Variants in PRSS12 observed in about 807,000 individuals in gnomAD.
PRSS12 encodes serine protease 12.
In PRSS12, 85 loss-of-function variants were observed where a neutral mutation model predicts 104.4. The observed-to-expected ratio is 0.81, with a 90% CI of 0.68 to 0.98. The LOEUF (loss-of-function observed/expected upper bound fraction) is 0.98, where lower values mean the gene tolerates loss of function less well. Among genes scored for constraint, PRSS12 ranks in the 50% least tolerant of loss-of-function variants. The probability of loss-of-function intolerance (pLI) is 0.00; values close to 1 mark genes in which losing one functional copy is unlikely to be tolerated. For synonymous variants in PRSS12, 454 were observed against 425.2 expected (o/e 1.07, Z -0.83); for missense variants, 1,141 against 1,139.2 (o/e 1.00, Z -0.02).
rs936060513 is a variant in PRSS12, at chr4:118,282,006, T to C, written c.2558A>G (p.Lys853Arg). 6.2e-7 allele frequency: 1 copy of C among 1,600,342 alleles called. No individual in the cohort carries two copies. The highest frequency in any genetic ancestry group is 1.7e-5 in the Admixed American group (1 of 59,992). Residue 853 changes from lysine to arginine, a missense_variant, in exon 13 of 13, where the codon AAG becomes AGG. By Grantham distance (26) the Lys-to-Arg change is conservative (BLOSUM62 2). Transcript: ENST00000296498. ...TTTGGTATAAACACCAGGAGAATCC[T>C]TGACTCCACAGCCATACCCCCAGGA... ...VTSWGYGCGV[K>R]DSPGVYTKVS...
intron 1 of PRSS12, among the ~76,000 whole-genome samples, chr4:118,339,819 C>T (rs187270426): frequency 6.6e-6 from 1 of 152,228 alleles, no homozygotes; most frequent in East Asian, 1.9e-4. Context: ...CAGAGGTCCA[C>T]GTAATATTAT....
intron 11 of PRSS12, among the ~76,000 whole-genome samples, chr4:118,293,637 A>T (rs1743179311): frequency 2.0e-5 from 3 of 152,214 alleles, no homozygotes; most frequent in Admixed American, 2.0e-4. Context: ...ATGAACAAAG[A>T]ATTCATGAAA....
rs1724536732 is a variant in PRSS12 at position 118,352,438 on chromosome 4, C to G, written c.283G>C (p.Ala95Pro). Residue 95 changes from alanine to proline, a missense_variant, in exon 1 of 13, where the codon GCC (alanine) becomes CCC (proline). Coordinates refer to ENST00000296498, the MANE Select transcript of PRSS12 (RefSeq NM_003619.4). ...TPRPHPWGCP[A>P]GEPWVSVTDF... is the part of the protein sequence containing the mutation. Reference sequence around the variant, plus strand: ...GTCACGCTGACCCATGGCTCGCCGGCGGGGCAGCCCCAGGGGTGCGGCCGG... The same window carrying G: ...GTCACGCTGACCCATGGCTCGCCGGGGGGGCAGCCCCAGGGGTGCGGCCGG... 6.7e-7 allele frequency: 1 copy of G among 1,491,752 alleles called. No individual in the cohort carries two copies. The highest frequency in any genetic ancestry group is 2.6e-5 in the East Asian group (1 of 37,876). The allele number at this position is 1,491,752 out of a possible 1,614,324, so 92.4% of individuals were successfully genotyped here.
At chr4:118,298,566 C>T (rs1258775545) in intron 9 of PRSS12, among the ~76,000 whole-genome samples, 167 bp downstream of exon 9, 2 of 152,164 alleles carry the variant, frequency 1.3e-5, no homozygotes, top group East Asian at 3.8e-4. Context: ...CCTGTCAGCC[C>T]CACCTAGGCA....
chr4:118,336,877 G>T (rs1724076460), intron 2 of PRSS12, among the ~76,000 whole-genome samples: 1 of 152,108 alleles, frequency 6.6e-6, no homozygotes, highest in African/African-American at 2.4e-5. Flanking sequence ...CATTCTTTGT[G>T]ACCTGCCCAC....
At chr4:118,302,509 C>T (rs1743425799) in intron 8 of PRSS12, among the ~76,000 whole-genome samples, 1 of 152,206 alleles carries the variant, frequency 6.6e-6, no homozygotes, top group South Asian at 2.1e-4. Flanking sequence ...TTACCGCAAC[C>T]TCTCCCTTCT....
At chr4:118,312,071 G>A (rs970237409) in intron 7 of PRSS12, among the ~76,000 whole-genome samples, 1 of 152,092 alleles carries the variant, frequency 6.6e-6, no homozygotes, top group Non-Finnish European at 1.5e-5. Context: ...TGGAAATATG[G>A]CCTGCAAGAG....
Position 118,313,236 on chromosome 4 carries a change from C to G in PRSS12, c.1454G>C (p.Cys485Ser). 1 of 1,613,998 alleles carries G rather than the reference C, an allele frequency of 6.2e-7. No homozygotes were observed. The highest frequency in any genetic ancestry group is 1.7e-4 in the Middle Eastern group (1 of 6,014). The change falls in exon 7 of 13, where the codon TGC becomes TCC. Residue 485 changes from cysteine (C) to serine (S), a missense_variant. Coordinates refer to ENST00000296498, the MANE Select transcript of PRSS12 (RefSeq NM_003619.4). ...CSHREDVSIA[C>S]YPGGEGHRLS... ...CCTGTGTCCCTCGCCGCCAGGGTAG[C>G]AGGCAATGCTAACATCTTCGCGGTG...
At chr4:118,305,623 T>C (rs1743528974) in intron 8 of PRSS12, among the ~76,000 whole-genome samples, 1 of 152,158 alleles carries the variant, frequency 6.6e-6, no homozygotes, top group Non-Finnish European at 1.5e-5. Context: ...GTTTGTTTTG[T>C]TATGTTCTGT....
rs764030119 is a variant in PRSS12 at position 118,352,225 on chromosome 4, T to C, written c.496A>G (p.Arg166Gly). 21 of 1,612,010 alleles carry C rather than the reference T, an allele frequency of 1.3e-5. No homozygotes were observed. The highest frequency in any genetic ancestry group is 1.7e-5 in the Non-Finnish European group (20 of 1,179,746). The change falls in exon 1 of 13, where the codon AGA becomes GGA. Residue 166 changes from arginine (R) to glycine (G), a missense_variant. Coordinates refer to ENST00000296498, the MANE Select transcript of PRSS12 (RefSeq NM_003619.4). ...CCGCCCCGAGGCCACTAACCGTGTCTGCAGTCGCAGTAGCCCCAGTCCACC... is the reference window on the plus strand; with the variant it reads ...CCGCCCCGAGGCCACTAACCGTGTCCGCAGTCGCAGTAGCCCCAGTCCACC... ...GKVDWGYCDC[R>G]HGSVRLRGGK... is the part of the protein sequence containing the mutation.
In PRSS12 at chr4:118,318,542, G is replaced by C. The variant is rs1157402653; in HGVS notation, c.986C>G (p.Ala329Gly). Reference sequence around the variant, plus strand: ...TTCCCCAAAATATGCCTGATGCCATGCTTTGGCAATGCCACTGAACAAATA... The same window carrying C: ...TTCCCCAAAATATGCCTGATGCCATCCTTTGGCAATGCCACTGAACAAATA... ...RQLGLSGIAK[A>G]WHQAYFGEGS... is the part of the protein sequence containing the mutation. Residue 329 changes from alanine to glycine, a missense_variant, in exon 5 of 13, where the codon GCA (alanine) becomes GGA (glycine). Coordinates refer to ENST00000296498, the MANE Select transcript of PRSS12 (RefSeq NM_003619.4). The C allele has an allele frequency of 6.2e-7, 1 of 1,613,862 alleles. No individual in the cohort carries two copies. Among genetic ancestry groups the C allele is most frequent in the African/African-American group, 1.3e-5 (1 of 74,896 alleles).
At chr4:118,301,684 C>G (rs1343149969) in intron 8 of PRSS12, among the ~76,000 whole-genome samples, 1 of 152,164 alleles carries the variant, frequency 6.6e-6, no homozygotes, top group Non-Finnish European at 1.5e-5. Flanking sequence ...TCAATTCTTA[C>G]AAAGTGTATT....
At chr4:118,294,652 T>A (rs1578905253) in intron 11 of PRSS12, among the ~76,000 whole-genome samples, 1 of 151,970 alleles carries the variant, frequency 6.6e-6, no homozygotes, top group South Asian at 2.1e-4. Context: ...AATTTCAGCC[T>A]CAGATACGTT....
At chr4:118,318,594 T>A in intron 4 of PRSS12, 38 bp from the exon 5 acceptor site, 2 of 1,592,698 alleles carry the variant, frequency 1.3e-6, no homozygotes, top group South Asian at 1.1e-5. Flanking sequence ...CTGGATTAGA[T>A]ACCAAAGATT....
At chr4:118,318,613 A>AT (rs368541195) in intron 4 of PRSS12, 57 bp from the exon 5 acceptor site, 9,156 of 1,263,694 alleles carry the variant, frequency 7.2e-3, no homozygotes, top group Non-Finnish European at 8.3e-3. Flanking sequence ...TTGGTCTTTT[A>AT]TTTTTTTTTT....
chr4:118,287,194 G>C (rs1743033827), intron 11 of PRSS12, among the ~76,000 whole-genome samples: 2 of 152,044 alleles, frequency 1.3e-5, no homozygotes, highest in South Asian at 4.1e-4. Context: ...GCCCAGGCTG[G>C]AGCGCAGTGG....
intron 11 of PRSS12, among the ~76,000 whole-genome samples, chr4:118,293,406 CA>C (rs1203445658): frequency 6.6e-6 from 1 of 151,826 alleles, no homozygotes; most frequent in Non-Finnish European, 1.5e-5. Context: ...ATAAGAAATA[CA>C]AAGCTTTTGT....
chr4:118,295,222 A>G (rs1156712494), intron 10 of PRSS12, among the ~76,000 whole-genome samples, 161 bp from the exon 11 acceptor site: 3 of 152,216 alleles, frequency 2.0e-5, no homozygotes, highest in Non-Finnish European at 4.4e-5. Context: ...TTTGAGAAGG[A>G]GACCCCACAA....
At position 118,282,878 on chromosome 4, in the gene PRSS12, G is replaced by T; in HGVS notation, c.2273C>A (p.Pro758Gln). The change falls in exon 12 of 13, where the codon CCA (proline) becomes CAA (glutamine). Residue 758 changes from proline to glutamine, a missense_variant. By Grantham distance (76) the Pro-to-Gln change is moderately conservative. Transcript: ENST00000296498. Reference protein sequence around the residue: ...PACLPLWRERPQKTASNCYIT... With the variant: ...PACLPLWRERQQKTASNCYIT... ...GTAACAGTTGGATGCTGTTTTCTGT[G>T]GCCTCTCTCTCCAGAGTGGTAAACA... 1 of 1,614,052 alleles carries T rather than the reference G, an allele frequency of 6.2e-7. No homozygotes were observed.
Sources: gnomAD v4.1 joint callset for allele counts (sites outside exome capture counted in the v4.1 genomes callset) on GRCh38, gnomAD v4.1.1 for gene constraint, MANE v1.5 for transcripts, NCBI Gene and HGNC (gene_info 2026-07-23, HGNC 2026-07-21) for gene names.